EYA4: variants seen among roughly 807,000 people sequenced by gnomAD.
EYA4 encodes EYA transcriptional coactivator and phosphatase 4.
Under a neutral mutation model 87.9 loss-of-function variants are expected in EYA4, and 31 were observed. The ratio of observed to expected loss-of-function variants is 0.35; its 90% CI spans 0.27 to 0.48. EYA4 has a LOEUF of 0.48. EYA4 is among the 20% of genes least tolerant of loss of function. EYA4 has a pLI of 0.99. For missense variants in EYA4, 678 were observed against 761.4 expected (o/e 0.89, Z 1.29); for synonymous variants, 263 against 270.6 (o/e 0.97, Z 0.28).
At chr6:133,413,990 G>A (rs1048794573) in intron 3 of EYA4, among the ~76,000 whole-genome samples, 1 of 152,108 alleles carries the variant, frequency 6.6e-6, no homozygotes, top group Non-Finnish European at 1.5e-5. Flanking sequence ...CTAGAAAAAT[G>A]TGTCTTCTTA....
chr6:133,299,929 ATC>A (rs1181520472), intron 2 of EYA4, among the ~76,000 whole-genome samples: 3 of 76,748 alleles, frequency 3.9e-5, no homozygotes, highest in African/African-American at 2.1e-4. Flanking sequence ...AAAGATCTCT[ATC>A]TATCTATCTA....
At chr6:133,378,130 T>TA (rs1785864069) in intron 2 of EYA4, among the ~76,000 whole-genome samples, 2 of 152,202 alleles carry the variant, frequency 1.3e-5, no homozygotes, top group East Asian at 3.9e-4. Flanking sequence ...ATATCAATCA[T>TA]ACCTCAATAA....
At chr6:133,395,114 A>G (rs1003598482) in intron 3 of EYA4, among the ~76,000 whole-genome samples, 4 of 152,200 alleles carry the variant, frequency 2.6e-5, no homozygotes, top group African/African-American at 9.6e-5. Flanking sequence ...GCAACACACA[A>G]TATTTGACTA....
Position 133,345,184 on chromosome 6 carries a change from A to G in EYA4, c.34-37208A>G, listed in dbSNP as rs533155576. On this transcript the variant is annotated intron_variant, in intron 2 of 19. Coordinates refer to ENST00000355286, the MANE Select transcript of EYA4 (RefSeq NM_004100.5). ...TTAAGAAATTTAAAAGAAAAAAAAT[A>G]CTGTGTAAAACTATGCTATGAAAGA... 5.9e-5 allele frequency among the ~76,000 whole-genome samples: 9 copies of G among 152,274 alleles called. No individual in the cohort carries two copies. In the South Asian group the frequency reaches 1.7e-3, roughly 28 times the overall value.
chr6:133,517,502 T>C (rs1799699593), intron 17 of EYA4, among the ~76,000 whole-genome samples: 1 of 151,676 alleles, frequency 6.6e-6, no homozygotes. Flanking sequence ...TTTGGACTAA[T>C]TGAATCAGAA....
rs114952570 is a variant in EYA4 at position 133,478,659 on chromosome 6, C to A, written c.971-2804C>A. 3.0e-3 allele frequency among the ~76,000 whole-genome samples: 449 copies of A among 152,186 alleles called. 2 individuals carry two copies. The highest frequency in any genetic ancestry group is 0.01 in the African/African-American group (423 of 41,532). On this transcript the variant is annotated intron_variant, in intron 11 of 19. Coordinates refer to ENST00000355286, the MANE Select transcript of EYA4 (RefSeq NM_004100.5). ...GTTTTCTAAAAAGGCTGTCTTTATC[C>A]CCATCAAAACACTTCTGCAGATATT...
rs117920139 is a variant in EYA4 at position 133,314,222 on chromosome 6, T to C, written c.33+39409T>C. 2.9e-3 allele frequency among the ~76,000 whole-genome samples: 440 copies of C among 152,208 alleles called. 1 individual carries two copies. Among genetic ancestry groups the C allele is most frequent in the Non-Finnish European group, 5.0e-3 (338 of 67,984 alleles). ...AGGAAAAAAATATAGATGAGAAAAA[T>C]ATAAGTAGCACCGTATGTGCCAATG... is the stretch of plus-strand genomic sequence containing the variant. On this transcript the variant is annotated intron_variant, in intron 2 of 19. Transcript: ENST00000355286.
intron 2 of EYA4, among the ~76,000 whole-genome samples, chr6:133,289,920 A>T (rs2128295212): frequency 6.6e-6 from 1 of 152,314 alleles, no homozygotes; most frequent in Non-Finnish European, 1.5e-5. Context: ...GAAAACAAAC[A>T]AACAAAGGAG....
Position 133,285,158 on chromosome 6 carries a change from G to A in EYA4, c.33+10345G>A, listed in dbSNP as rs192941552. 8.3e-3 allele frequency among the ~76,000 whole-genome samples: 1,262 copies of A among 151,584 alleles called. 8 individuals are homozygous for A. Among genetic ancestry groups the A allele is most frequent in the Middle Eastern group, 0.031 (9 of 294 alleles). ...ACTACAGGCACCCGCCACCACGCCCGGCTAATTTTTTGTATTTTTAGTAGA... is the reference window on the plus strand; with the variant it reads ...ACTACAGGCACCCGCCACCACGCCCAGCTAATTTTTTGTATTTTTAGTAGA... On this transcript the variant is annotated intron_variant, in intron 2 of 19. Coordinates refer to ENST00000355286, the MANE Select transcript of EYA4 (RefSeq NM_004100.5).
At chr6:133,384,144 A>G (rs886428250) in intron 3 of EYA4, among the ~76,000 whole-genome samples, 1 of 152,218 alleles carries the variant, frequency 6.6e-6, no homozygotes, top group African/African-American at 2.4e-5. Context: ...TTAAACTAAC[A>G]GAAAGCGATC....
At chr6:133,281,329 C>A (rs949994568) in intron 2 of EYA4, among the ~76,000 whole-genome samples, 4 of 151,886 alleles carry the variant, frequency 2.6e-5, no homozygotes, top group Admixed American at 2.6e-4. Flanking sequence ...CTATTTTTTT[C>A]TTTTGTCACT....
rs370082692 is a variant in EYA4 at position 133,432,777 on chromosome 6, G to T, written c.84-13853G>T. Among the ~76,000 whole-genome samples the T allele has an allele frequency of 5.3e-4, 81 of 151,836 alleles. No homozygotes were observed. In the South Asian group the frequency reaches 0.016, roughly 30 times the overall value. On this transcript the variant is annotated intron_variant, in intron 3 of 19. Coordinates refer to ENST00000355286, the MANE Select transcript of EYA4 (RefSeq NM_004100.5). ...ATCACATTTCACATTCTGATCCCTC[G>T]TGGCAGGTGCTAACTTCCTTGCTCT...
chr6:133,256,978 T>G (rs1293893076), intron 1 of EYA4, among the ~76,000 whole-genome samples: 1 of 152,122 alleles, frequency 6.6e-6, no homozygotes, highest in Non-Finnish European at 1.5e-5. Context: ...CAGAATTTCC[T>G]GTTATTCTAA....
intron 4 of EYA4, among the ~76,000 whole-genome samples, chr6:133,447,761 T>G (rs1475707973): frequency 6.6e-6 from 1 of 152,214 alleles, no homozygotes; most frequent in African/African-American, 2.4e-5. Context: ...TGATGTTTAT[T>G]TGTCTCTAAA....
chr6:133,349,833 C>A (rs1037624603), intron 2 of EYA4, among the ~76,000 whole-genome samples: 1 of 152,004 alleles, frequency 6.6e-6, no homozygotes, highest in African/African-American at 2.4e-5. Context: ...TATCGATTTC[C>A]AATTCAAAAT....
In EYA4 at chr6:133,491,529, G is replaced by A. The variant is rs572182493; in HGVS notation, c.1191+8414G>A. Among the ~76,000 whole-genome samples the A allele has an allele frequency of 9.6e-4, 146 of 152,234 alleles. 1 individual carries two copies. The highest frequency in any genetic ancestry group is 3.4e-3 in the African/African-American group (141 of 41,548). On this transcript the variant is annotated intron_variant, in intron 13 of 19. Coordinates refer to ENST00000355286, the MANE Select transcript of EYA4 (RefSeq NM_004100.5). ...TAGAGGCTACTGTGAGAAACTACAT[G>A]CCAATAAACTGGAAAATCTAGATGA...
intron 13 of EYA4, among the ~76,000 whole-genome samples, chr6:133,503,135 T>TA (rs899891351): frequency 6.6e-6 from 1 of 152,054 alleles, no homozygotes; most frequent in African/African-American, 2.4e-5. Context: ...TTGCTTTTTT[T>TA]AAAAAAAATT....
intron 1 of EYA4, among the ~76,000 whole-genome samples, chr6:133,270,436 A>G (rs564811702): frequency 1.3e-5 from 2 of 152,382 alleles, no homozygotes; most frequent in South Asian, 4.1e-4. Flanking sequence ...ATAAAGGAAA[A>G]GGAAATAAAG....
At chr6:133,307,805 G>A (rs1172290207) in intron 2 of EYA4, among the ~76,000 whole-genome samples, 4 of 152,190 alleles carry the variant, frequency 2.6e-5, no homozygotes, top group Non-Finnish European at 4.4e-5. Flanking sequence ...TTGAAAGGCT[G>A]TAGAACCTGC....
Sources: allele counts gnomAD v4.1 joint callset (sites outside exome capture counted in the v4.1 genomes callset), GRCh38; gene constraint gnomAD v4.1.1; transcripts MANE v1.5; gene names NCBI Gene and HGNC (gene_info 2026-07-23, HGNC 2026-07-21).